ZNF638: variants seen among roughly 807,000 people sequenced by gnomAD.
The protein encoded by ZNF638 is zinc finger protein 638, also known as CTCL tumor antigen se33-1.
A neutral mutation model predicts 195.6 loss-of-function variants in ZNF638; 46 were observed. The observed-to-expected ratio is 0.24, with a 90% CI of 0.19 to 0.30. ZNF638 has a LOEUF of 0.30. Ranked by LOEUF, ZNF638 falls within the 10% of genes least tolerant of loss-of-function variation. ZNF638 has a pLI of 1.00. For synonymous variants in ZNF638, 845 were observed against 772.0 expected (o/e 1.09, Z -1.57); for missense variants, 2,440 against 2,325.3 (o/e 1.05, Z -1.01).
intron 24 of ZNF638, among the ~76,000 whole-genome samples, 177 bp downstream of exon 24, chr2:71,427,591 T>G (rs2080565377): frequency 6.6e-6 from 1 of 152,180 alleles, no homozygotes; most frequent in Non-Finnish European, 1.5e-5. Context: ...TTTCACAGTT[T>G]TTTAAAGTTT....
chr2:71,349,434 T>C lies in ZNF638; in HGVS notation c.480T>C (p.Tyr160=). The change falls in exon 2 of 28, where the codon TAT becomes TAC. Residue 160 remains tyrosine (Y), a synonymous_variant. Transcript: ENST00000264447. ...SNEDLEELSR[Y]PDEQLTPENM... The stretch of plus-strand genomic sequence containing the variant: ...AAGACCTAGAAGAACTTAGTCGCTA[T>C]CCTGATGAACAACTAACTCCTGAAA... 1 of 1,614,170 alleles carries C rather than the reference T, an allele frequency of 6.2e-7. No individual in the cohort carries two copies. The highest frequency in any genetic ancestry group is 1.3e-5 in the African/African-American group (1 of 75,044).
rs111943490 is a variant in ZNF638, at chr2:71,335,434, A to T, written c.-203+3559A>T. On this transcript the variant is annotated intron_variant, in intron 1 of 27. Transcript: ENST00000264447. ...TATATTTATTGTTCATTCAAGTTTT[A>T]AAAAAAATTTCCTATCTTATTTCCA... 9.1e-3 allele frequency among the ~76,000 whole-genome samples: 1,390 copies of T among 152,240 alleles called. 21 individuals are homozygous for T. Among genetic ancestry groups the T allele is most frequent in the African/African-American group, 0.032 (1,316 of 41,546 alleles).
intron 1 of ZNF638, among the ~76,000 whole-genome samples, chr2:71,343,328 G>T (rs1343623733): frequency 6.6e-6 from 1 of 152,178 alleles, no homozygotes; most frequent in Non-Finnish European, 1.5e-5. Context: ...ATAATTCTGA[G>T]CTTACTCCTT....
In ZNF638 at chr2:71,380,711, G is replaced by T. The variant is rs1284273567; in HGVS notation, c.2377+146G>T. The T allele has an allele frequency of 1.3e-5, 7 of 541,292 alleles. No homozygotes were observed. In the East Asian group the frequency reaches 1.6e-4, roughly 12 times the overall value. 33.5% of individuals were successfully genotyped at this position (541,292 alleles called of 1,614,324 possible). A position where few individuals can be genotyped will look rare whatever the true frequency, so the allele number is the denominator to read the frequency against. On this transcript the variant is annotated intron_variant, in intron 10 of 27. Transcript: ENST00000264447. ...TTTAATTGGCCCCTGTATTAAGCAGGCGGTTAATATTTAATGCTGTGTAAT... is the reference window on the plus strand; with the variant it reads ...TTTAATTGGCCCCTGTATTAAGCAGTCGGTTAATATTTAATGCTGTGTAAT...
intron 10 of ZNF638, among the ~76,000 whole-genome samples, chr2:71,390,855 G>A (rs1443259249): frequency 6.7e-6 from 1 of 150,184 alleles, no homozygotes; most frequent in Non-Finnish European, 1.5e-5. Context: ...CTAACGTTGT[G>A]ATTTGGAGGG....
At chr2:71,362,375 T>C (rs1434903941) in intron 3 of ZNF638, among the ~76,000 whole-genome samples, 1 of 152,182 alleles carries the variant, frequency 6.6e-6, no homozygotes, top group Non-Finnish European at 1.5e-5. Context: ...ATTCCAGATA[T>C]TCCTTTACAC....
rs2079866212 is a variant in ZNF638, at chr2:71,395,169, A to G, written c.2378-972A>G. 7.0e-6 allele frequency: 5 copies of G among 714,626 alleles called. No individual in the cohort carries two copies. The South Asian group carries it at 7.4e-5, about 11-fold the overall frequency. The allele number at this position is 714,626 out of a possible 1,614,324, so 44.3% of individuals were successfully genotyped here. Reference sequence around the variant, plus strand: ...GGATGTGCAAGAACATCTCTCCTGGATAGACCCTCACTCCTTGATTGGAAA... The same window carrying G: ...GGATGTGCAAGAACATCTCTCCTGGGTAGACCCTCACTCCTTGATTGGAAA... On this transcript the variant is annotated intron_variant, in intron 10 of 27. Transcript: ENST00000264447.
chr2:71,389,859 G>C (rs192945360), intron 10 of ZNF638, among the ~76,000 whole-genome samples: 191 of 152,246 alleles, frequency 1.3e-3, no homozygotes, highest in African/African-American at 4.4e-3. Context: ...TGCTAACGTC[G>C]ACTGCCAACA....
At chr2:71,332,279 G>A (rs939021035) in intron 1 of ZNF638, among the ~76,000 whole-genome samples, 1 of 152,278 alleles carries the variant, frequency 6.6e-6, no homozygotes, top group Non-Finnish European at 1.5e-5. Flanking sequence ...CGAGGAAGCG[G>A]TGGTGAGGGA....
intron 20 of ZNF638, among the ~76,000 whole-genome samples, chr2:71,417,189 T>A (rs1487384281): frequency 6.6e-6 from 1 of 151,856 alleles, no homozygotes; most frequent in Non-Finnish European, 1.5e-5. Context: ...GTGTGCCGTT[T>A]CTTAAGCTGG....
chr2:71,396,024 G>C (rs2079886208), intron 10 of ZNF638, 117 bp from the exon 11 acceptor site: 2 of 828,976 alleles, frequency 2.4e-6, no homozygotes, highest in Middle Eastern at 2.4e-4. Flanking sequence ...ATACAAAGAT[G>C]AGTATAGGGC....
chr2:71,351,988 G>C (rs1378074664), intron 2 of ZNF638, among the ~76,000 whole-genome samples: 1 of 152,128 alleles, frequency 6.6e-6, no homozygotes, highest in African/African-American at 2.4e-5. Flanking sequence ...TATTGTATTT[G>C]TAACAGTATG....
At chr2:71,382,151 T>C (rs2079545122) in intron 10 of ZNF638, among the ~76,000 whole-genome samples, 2 of 152,318 alleles carry the variant, frequency 1.3e-5, no homozygotes, top group South Asian at 4.1e-4. Flanking sequence ...GCGATGATAT[T>C]ATTGATTACA....
intron 10 of ZNF638, among the ~76,000 whole-genome samples, chr2:71,385,908 CAT>C (rs1327953211): frequency 2.0e-5 from 3 of 151,646 alleles, no homozygotes; most frequent in East Asian, 1.9e-4. Context: ...AAAATTTTAA[CAT>C]ATAGTGTCTG....
In ZNF638 at chr2:71,434,823, G is replaced by C. The variant is rs887492681; in HGVS notation, c.*16G>C. The C allele has an allele frequency of 1.0e-5, 16 of 1,578,664 alleles. No individual in the cohort carries two copies. Among genetic ancestry groups the C allele is most frequent in the Non-Finnish European group, 1.4e-5 (16 of 1,165,512 alleles). On this transcript the variant is annotated 3_prime_UTR_variant, in exon 28 of 28. Transcript: ENST00000264447. ...CTCTAGGTGATTGGGGGAAAGGAAA[G>C]AATTCACTAGAAATTTGTTTAGGGT...
At chr2:71,410,137 A>G (rs2080182944) in intron 20 of ZNF638, among the ~76,000 whole-genome samples, 1 of 152,150 alleles carries the variant, frequency 6.6e-6, no homozygotes, top group East Asian at 1.9e-4. Context: ...TTCCTCTGAA[A>G]GGTTTTAGGA....
chr2:71,430,026 T>C (rs1326069676), intron 25 of ZNF638, among the ~76,000 whole-genome samples: 1 of 152,218 alleles, frequency 6.6e-6, no homozygotes, highest in Non-Finnish European at 1.5e-5. Context: ...GGCAATCAGC[T>C]TGCTTAGAAC....
intron 10 of ZNF638, among the ~76,000 whole-genome samples, chr2:71,389,714 A>T (rs1328461158): frequency 1.3e-5 from 2 of 152,216 alleles, no homozygotes; most frequent in Non-Finnish European, 2.9e-5. Flanking sequence ...TTCAACAAGG[A>T]TCTTTATAAA....
At chr2:71,371,447 A>AT (rs1489956378) in intron 8 of ZNF638, among the ~76,000 whole-genome samples, 1 of 152,130 alleles carries the variant, frequency 6.6e-6, no homozygotes, top group Non-Finnish European at 1.5e-5. Flanking sequence ...GATCGTACTA[A>AT]TTTACGTTCC....
Sources: allele counts gnomAD v4.1 joint callset (sites outside exome capture counted in the v4.1 genomes callset), GRCh38; gene constraint gnomAD v4.1.1; transcripts MANE v1.5; gene names NCBI Gene and HGNC (gene_info 2026-07-23, HGNC 2026-07-21).